ANAPC1: variants seen among roughly 807,000 people sequenced by gnomAD.
ANAPC1 encodes anaphase promoting complex subunit 1, also known as anaphase-promoting complex subunit 1.
ANAPC1 carries 36 observed loss-of-function variants against 208.0 expected under a neutral mutation model. The observed-to-expected ratio is 0.17, with a 90% CI of 0.13 to 0.23. The LOEUF (loss-of-function observed/expected upper bound fraction) is 0.23. Ranked by LOEUF, ANAPC1 falls within the 10% of genes least tolerant of loss-of-function variation. ANAPC1 has a pLI of 1.00. For missense variants in ANAPC1, 942 were observed against 2,011.6 expected (o/e 0.47, Z 10.17); for synonymous variants, 378 against 695.2 (o/e 0.54, Z 7.18).
At chr2:111,776,103 A>C (rs55913672) in intron 46 of ANAPC1, among the ~76,000 whole-genome samples, 5 of 147,702 alleles carry the variant, frequency 3.4e-5, no homozygotes, top group Non-Finnish European at 4.5e-5. Context: ...AGTTTTCACT[A>C]ATCAAAGCAA....
At chr2:111,875,133 C>T (rs1313789902) in intron 3 of ANAPC1, among the ~76,000 whole-genome samples, 8 of 152,232 alleles carry the variant, frequency 5.3e-5, no homozygotes, top group African/African-American at 1.9e-4. Flanking sequence ...AAAGTGGTAT[C>T]TCATTGTGGT....
intron 24 of ANAPC1, among the ~76,000 whole-genome samples, chr2:111,823,383 GT>G (rs1282385885): frequency 1.3e-5 from 2 of 151,930 alleles, no homozygotes; most frequent in Non-Finnish European, 2.9e-5. Context: ...TTGGAAAACA[GT>G]TGGTATGTAT....
At chr2:111,775,683 T>C (rs1251156182) in intron 46 of ANAPC1, among the ~76,000 whole-genome samples, 3 of 152,226 alleles carry the variant, frequency 2.0e-5, no homozygotes, top group African/African-American at 7.2e-5. Context: ...TTCTAATCAC[T>C]GCCAAAGTTC....
chr2:111,859,813 C>A (rs1042638981), intron 10 of ANAPC1, among the ~76,000 whole-genome samples: 4 of 152,214 alleles, frequency 2.6e-5, no homozygotes, highest in Non-Finnish European at 5.9e-5. Flanking sequence ...ACCACTTATG[C>A]ACCTTTCTGG....
intron 39 of ANAPC1, among the ~76,000 whole-genome samples, chr2:111,787,194 C>T (rs62145194): frequency 0.077 from 8,146 of 105,192 alleles, no homozygotes; most frequent in African/African-American, 0.11. Context: ...AAAATGGCTT[C>T]GTTTACAATA....
intron 13 of ANAPC1, among the ~76,000 whole-genome samples, chr2:111,853,174 T>G (rs1259824383): frequency 1.3e-5 from 2 of 152,224 alleles, no homozygotes; most frequent in African/African-American, 2.4e-5. Context: ...AGCTATCTTC[T>G]GATTACTGTT....
chr2:111,858,161 TATACAGTAAAAAC>T (rs1681838427), intron 11 of ANAPC1, 132 bp downstream of exon 11: 1 of 564,954 alleles, frequency 1.8e-6, no homozygotes, highest in South Asian at 2.5e-5. Context: ...ATCATTTAAT[TATACAGTAAAAAC>T]ATGTTAATTT....
At chr2:111,883,236 C>T (rs1156686321) in intron 1 of ANAPC1, among the ~76,000 whole-genome samples, 1 of 150,014 alleles carries the variant, frequency 6.7e-6, no homozygotes, top group East Asian at 1.9e-4. Context: ...AGCTGGTCTT[C>T]CTATATTTTA....
chr2:111,828,567 T>C (rs1478731514), intron 21 of ANAPC1, among the ~76,000 whole-genome samples: 2 of 152,198 alleles, frequency 1.3e-5, no homozygotes, highest in Non-Finnish European at 2.9e-5. Flanking sequence ...GGTGAAATGA[T>C]AAATTGTGGT....
rs369036574 is a variant in ANAPC1, at chr2:111,843,820, C to CTTTTTTTTTTT, written c.1853-232_1853-222dup. The stretch of plus-strand genomic sequence containing the variant: ...AGGCTTGAAAGGGGTCTGAAGACAG[C>CTTTTTTTTTTT]TTTTTTTTTTTTTTTTTTTTTTGAG... On this transcript the variant is annotated intron_variant, in intron 16 of 47. Coordinates refer to ENST00000341068, the MANE Select transcript of ANAPC1 (RefSeq NM_022662.4). 1.8e-4 allele frequency among the ~76,000 whole-genome samples: 16 copies of CTTTTTTTTTTT among 86,818 alleles called. 1 individual carries two copies. The highest frequency in any genetic ancestry group is 5.2e-4 in the South Asian group (1 of 1,918). The allele number at this position is 86,818 out of a possible 152,430, so 57.0% of individuals were successfully genotyped here. A position where few individuals can be genotyped will look rare whatever the true frequency, so the allele number is the denominator to read the frequency against.
At chr2:111,771,501 C>A (rs969511580) in intron 47 of ANAPC1, among the ~76,000 whole-genome samples, 1 of 151,056 alleles carries the variant, frequency 6.6e-6, no homozygotes, top group African/African-American at 2.4e-5. Context: ...TGGCACTCTA[C>A]TTCTTGTACT....
chr2:111,881,483 C>T (rs1683293961), intron 1 of ANAPC1, among the ~76,000 whole-genome samples: 1 of 152,104 alleles, frequency 6.6e-6, no homozygotes, highest in Non-Finnish European at 1.5e-5. Context: ...TAACTCTAGC[C>T]ATGGAACAGT....
At chr2:111,862,964 G>A (rs1364470889) in intron 9 of ANAPC1, among the ~76,000 whole-genome samples, 3 of 151,662 alleles carry the variant, frequency 2.0e-5, no homozygotes, top group Non-Finnish European at 4.4e-5. Context: ...TACATATCTG[G>A]TCATTTAAAT....
rs773227100 is a variant in ANAPC1 at position 111,792,509 on chromosome 2, G to A, written c.4565C>T (p.Ser1522Phe). The change falls in exon 38 of 48, where the codon TCT (serine) becomes TTT (phenylalanine). Residue 1522 changes from serine (S) to phenylalanine (F), a missense_variant. Ser to Phe is a radical substitution (Grantham distance 155). Coordinates refer to ENST00000341068, the MANE Select transcript of ANAPC1 (RefSeq NM_022662.4). ...TGAGCCAGCCATGACCATGGCGAGA[G>A]ACAGCAGCACCACGCTCAGACAAGT... Reference protein sequence around the residue: ...LETCLSVVLLSLAMVMAGSGN... With the variant: ...LETCLSVVLLFLAMVMAGSGN... 1 of 1,613,940 alleles carries A rather than the reference G, an allele frequency of 6.2e-7. No homozygotes were observed. Among genetic ancestry groups the A allele is most frequent in the Non-Finnish European group, 8.5e-7 (1 of 1,179,870 alleles).
At chr2:111,845,976 C>CAAAAA (rs34090398) in intron 16 of ANAPC1, among the ~76,000 whole-genome samples, 18 of 101,186 alleles carry the variant, frequency 1.8e-4, no homozygotes, top group African/African-American at 5.6e-4. Flanking sequence ...GACTCCGTCT[C>CAAAAA]AAAAAAAAAA....
At chr2:111,823,062 T>G (rs962056476) in intron 24 of ANAPC1, among the ~76,000 whole-genome samples, 8 of 128,522 alleles carry the variant, frequency 6.2e-5, no homozygotes, top group Non-Finnish European at 1.2e-4. Flanking sequence ...CAGGATGGAG[T>G]GCAGTGGCGC....
At chr2:111,812,562 C>A (rs1679046957) in intron 28 of ANAPC1, among the ~76,000 whole-genome samples, 1 of 144,074 alleles carries the variant, frequency 6.9e-6, no homozygotes, top group Admixed American at 7.2e-5. Flanking sequence ...GAGAACCCTT[C>A]TGTTTTCCTG....
intron 11 of ANAPC1, among the ~76,000 whole-genome samples, chr2:111,857,863 T>C (rs920567816): frequency 3.3e-5 from 5 of 152,098 alleles, no homozygotes; most frequent in African/African-American, 4.8e-5. Context: ...GACTATTACA[T>C]AGCAATAGGT....
chr2:111,874,399 C>G (rs1682917195), intron 3 of ANAPC1, among the ~76,000 whole-genome samples: 1 of 152,070 alleles, frequency 6.6e-6, no homozygotes, highest in Non-Finnish European at 1.5e-5. Context: ...TCATCTCAAA[C>G]AGAAACTCCG....
Sources: gnomAD v4.1 joint callset for allele counts (sites outside exome capture counted in the v4.1 genomes callset) on GRCh38, gnomAD v4.1.1 for gene constraint, MANE v1.5 for transcripts, NCBI Gene and HGNC (gene_info 2026-07-23, HGNC 2026-07-21) for gene names.